Variants in SLC38A12 observed in about 807,000 individuals in gnomAD.
SLC38A12 encodes putative sodium-coupled neutral amino acid transporter 12.
the SLC38A12 span, among the ~76,000 whole-genome samples, chr17:74,834,972 T>C: frequency 6.6e-6 from 1 of 152,206 alleles, no homozygotes; most frequent in East Asian, 1.9e-4. Flanking sequence ...CACAGCCCCT[T>C]GTCCCTGCGG....
chr17:74,815,510 C>T, the SLC38A12 span, among the ~76,000 whole-genome samples: 2 of 152,202 alleles, frequency 1.3e-5, no homozygotes, highest in South Asian at 2.1e-4. Context: ...AGTATCTACC[C>T]GCTTTACTTT....
At chr17:74,786,159 C>T in the SLC38A12 span, among the ~76,000 whole-genome samples, 13 of 152,166 alleles carry the variant, frequency 8.5e-5, no homozygotes, top group African/African-American at 3.1e-4. Context: ...GGTGTGTGGG[C>T]CTCACCAGCC....
chr17:74,795,385 A>C, the SLC38A12 span: 1 of 729,226 alleles, frequency 1.4e-6, no homozygotes, highest in Admixed American at 2.6e-5. Context: ...GTGCATCCTC[A>C]GAGATGCATC....
chr17:74,836,880 C>G, the SLC38A12 span: 1 of 1,381,284 alleles, frequency 7.2e-7, no homozygotes, highest in Non-Finnish European at 9.3e-7. This position sits in a 1 kb window ranked among gnomAD's most constrained non-coding sequence, Gnocchi z 4.2. Context: ...TCCTCACTCC[C>G]CCGGGCAGCT....
chr17:74,779,376 C>A, the SLC38A12 span, among the ~76,000 whole-genome samples: 1 of 150,660 alleles, frequency 6.6e-6, no homozygotes, highest in Non-Finnish European at 1.5e-5. Context: ...CAGCTCTGGG[C>A]ATTGGCCATA....
the SLC38A12 span, among the ~76,000 whole-genome samples, chr17:74,809,293 G>A: frequency 6.6e-6 from 1 of 152,104 alleles, no homozygotes; most frequent in Admixed American, 6.5e-5. Flanking sequence ...ATTCAAAGAC[G>A]GTCCTTCAGC....
the SLC38A12 span, among the ~76,000 whole-genome samples, chr17:74,819,108 C>T: frequency 6.6e-6 from 1 of 152,172 alleles, no homozygotes; most frequent in African/African-American, 2.4e-5. Flanking sequence ...CCTGGTTTTC[C>T]TAGATGCAGC....
chr17:74,776,709 T>C, the SLC38A12 span: 92,093 of 151,094 alleles, frequency 0.61, 28,601 homozygotes, highest in Non-Finnish European at 0.64. Flanking sequence ...GGGAGTGGGG[T>C]TCTTGAGAAA....
chr17:74,795,141 G>A, the SLC38A12 span: 252 of 1,583,576 alleles, frequency 1.6e-4, 1 homozygote, highest in Admixed American at 1.5e-3. Context: ...CCAGGTTGGC[G>A]GTAGCCAAAG....
At chr17:74,836,722 A>C in the SLC38A12 span, 1 of 1,551,036 alleles carries the variant, frequency 6.4e-7, no homozygotes, top group Non-Finnish European at 8.7e-7. This position sits in a 1 kb window ranked among gnomAD's most constrained non-coding sequence, Gnocchi z 4.2. Flanking sequence ...CAGGAGGCAT[A>C]GGGGCCCCAG....
the SLC38A12 span, chr17:74,790,879 C>A: frequency 7.5e-7 from 1 of 1,326,286 alleles, no homozygotes; most frequent in Non-Finnish European, 1.1e-6. Flanking sequence ...TTAGATAATT[C>A]AGTGAGGTCC....
At chr17:74,816,188 C>G in the SLC38A12 span, among the ~76,000 whole-genome samples, 1 of 152,234 alleles carries the variant, frequency 6.6e-6, no homozygotes, top group African/African-American at 2.4e-5. Context: ...GGACTGGGCT[C>G]TGTCCTGTTG....
the SLC38A12 span, among the ~76,000 whole-genome samples, chr17:74,816,919 A>G: frequency 1.3e-5 from 2 of 152,076 alleles, no homozygotes; most frequent in Non-Finnish European, 2.9e-5. Flanking sequence ...TTTAAAAAGG[A>G]AAGAAAACAC....
the SLC38A12 span, chr17:74,777,160 G>C: frequency 1.4e-6 from 1 of 721,732 alleles, no homozygotes; most frequent in Admixed American, 2.3e-5. Flanking sequence ...GAGGCCCTAA[G>C]TGTCTGTGAT....
At chr17:74,780,300 G>C in the SLC38A12 span, among the ~76,000 whole-genome samples, 1 of 152,226 alleles carries the variant, frequency 6.6e-6, no homozygotes, top group Non-Finnish European at 1.5e-5. Flanking sequence ...TCATGAGTGA[G>C]GCTGCTGGGT....
At chr17:74,800,978 C>T in the SLC38A12 span, among the ~76,000 whole-genome samples, 1 of 152,230 alleles carries the variant, frequency 6.6e-6, no homozygotes, top group Non-Finnish European at 1.5e-5. Context: ...GCAACATCCA[C>T]CCTCTCATGT....
chr17:74,830,885 G>A, the SLC38A12 span, among the ~76,000 whole-genome samples: 3 of 152,228 alleles, frequency 2.0e-5, no homozygotes, highest in African/African-American at 7.2e-5. Context: ...CGAGGCCTGC[G>A]TGTGGAGCTG....
At chr17:74,805,348 C>T in the SLC38A12 span, among the ~76,000 whole-genome samples, 2 of 152,222 alleles carry the variant, frequency 1.3e-5, no homozygotes, top group Non-Finnish European at 2.9e-5. The surrounding 1 kb of genome is among the most constrained non-coding windows in gnomAD (Gnocchi z 5.0). Context: ...TGTGCGTGCC[C>T]ACTGGCTGGA....
At chr17:74,795,547 G>A in the SLC38A12 span, 1 of 1,614,072 alleles carries the variant, frequency 6.2e-7, no homozygotes, top group Non-Finnish European at 8.5e-7. Context: ...AATGACTCCT[G>A]CGGTGTGGAA....
Sources: allele counts gnomAD v4.1 joint callset (sites outside exome capture counted in the v4.1 genomes callset), GRCh38; gene constraint gnomAD v4.1.1; non-coding constraint Gnocchi (gnomAD v3.1); transcripts MANE v1.5; gene names NCBI Gene and HGNC (gene_info 2026-07-23, HGNC 2026-07-21).